Variants in FBN3 observed in about 807,000 individuals in gnomAD.
FBN3 encodes the protein fibrillin-3.
In FBN3, 234 loss-of-function variants were observed where a neutral mutation model predicts 330.1. The ratio of observed to expected loss-of-function variants is 0.71; its 90% CI spans 0.64 to 0.79. The LOEUF (loss-of-function observed/expected upper bound fraction) is 0.79. FBN3 is among the 30% of genes least tolerant of loss of function. FBN3 has a pLI of 0.00. For synonymous variants in FBN3, 1,458 were observed against 1,517.3 expected, an observed-to-expected ratio of 0.96 and a Z score of 0.91; for missense variants, 3,606 against 3,886.9, an observed-to-expected ratio of 0.93 and a Z score of 1.92.
chr19:8,117,445 C>G lies in FBN3; in HGVS notation c.3463+19G>C, dbSNP rs1435663064. On this transcript the variant is annotated intron_variant, in intron 27 of 63. Transcript: ENST00000600128. ...ACTGTGGTTGGTGCCCAGGGGCCAG[C>G]AGGTGGGCACAGTCTCACCCACGCA... is the stretch of plus-strand genomic sequence containing the variant. 16 of 1,559,626 alleles carry G rather than the reference C, an allele frequency of 1.0e-5. No homozygotes were observed. The highest frequency in any genetic ancestry group is 1.4e-5 in the Non-Finnish European group (16 of 1,151,634).
chr19:8,067,269 G>A (rs1426007309), intron 63 of FBN3, among the ~76,000 whole-genome samples: 6 of 151,986 alleles, frequency 3.9e-5, no homozygotes, highest in Non-Finnish European at 8.8e-5. Context: ...GGAATTACAG[G>A]TGCCTGCCAT....
intron 28 of FBN3, 60 bp from the exon 29 acceptor site, chr19:8,116,859 A>C (rs760484938): frequency 2.9e-5 from 45 of 1,572,056 alleles, no homozygotes; most frequent in Non-Finnish European, 3.6e-5. Context: ...CCCAGTACAC[A>C]TCTGCTCCCC....
At chr19:8,126,413 G>C in intron 20 of FBN3, 55 bp downstream of exon 20, 1 of 1,590,850 alleles carries the variant, frequency 6.3e-7, no homozygotes, top group South Asian at 1.1e-5. Flanking sequence ...GGGGGGACCC[G>C]CCCCATGGAG....
rs377489898 is a variant in FBN3 at position 8,126,475 on chromosome 19, G to A, written c.2547C>T (p.Cys849=). The part of the protein sequence containing the change: ...GAAWGSPCER[C]EIDPACARGF... ...CCTCAAGGAGGATACTACCGATCTC[G>A]CAGCGTTCGCAGGGGCTCCCCCAGG... is the stretch of plus-strand genomic sequence containing the variant. Residue 849 remains cysteine (C), a synonymous_variant, in exon 20 of 64, where the codon TGC becomes TGT. Transcript: ENST00000600128. The A allele has an allele frequency of 1.8e-5, 29 of 1,611,812 alleles. No homozygotes were observed. Among genetic ancestry groups the A allele is most frequent in the Admixed American group, 3.3e-5 (2 of 59,724 alleles).
rs1244751525 is a variant in FBN3 at position 8,121,511 on chromosome 19, G to A, written c.3083-125C>T. 8 of 958,488 alleles carry A rather than the reference G, an allele frequency of 8.3e-6. No homozygotes were observed. The highest frequency in any genetic ancestry group is 5.7e-5 in the East Asian group (2 of 35,322). 59.4% of individuals were successfully genotyped at this position (958,488 alleles called of 1,614,324 possible). On this transcript the variant is annotated intron_variant, in intron 24 of 63. Coordinates refer to ENST00000600128, the MANE Select transcript of FBN3 (RefSeq NM_032447.5). This position sits in a 1 kb window ranked among gnomAD's most constrained non-coding sequence, Gnocchi z 4.5. Reference sequence around the variant, plus strand: ...GGAAGCCCATCTGCAGACATAAGGAGGCACAGGCCAAGAGGGGAGGCATGA... The same window carrying A: ...GGAAGCCCATCTGCAGACATAAGGAAGCACAGGCCAAGAGGGGAGGCATGA...
rs947095821 is a variant in FBN3, at chr19:8,129,576, G to A, written c.2045-211C>T. Among the ~76,000 whole-genome samples, 17 of 152,020 alleles carry A rather than the reference G, an allele frequency of 1.1e-4. No individual in the cohort carries two copies. Among genetic ancestry groups the A allele is most frequent in the Non-Finnish European group, 1.9e-4 (13 of 68,012 alleles). On this transcript the variant is annotated intron_variant, in intron 16 of 63. Transcript: ENST00000600128. The surrounding 1 kb of genome is among the most constrained non-coding windows in gnomAD (Gnocchi z 4.5). The stretch of plus-strand genomic sequence containing the variant: ...GGGCCAGATCATTTTTTGCTGTGAG[G>A]GGCCATCCCACGCATTTTAGGATGT...
rs1405031150 is a variant in FBN3, at chr19:8,108,305, A to C, written c.4619-67T>G. On this transcript the variant is annotated intron_variant, in intron 36 of 63. Transcript: ENST00000600128. Reference sequence around the variant, plus strand: ...CAAAGCTTAGGGGAAACAGGGGAGCAACAGCAGGAAGCCTGAAAAGGGCTC... The same window carrying C: ...CAAAGCTTAGGGGAAACAGGGGAGCCACAGCAGGAAGCCTGAAAAGGGCTC... The C allele has an allele frequency of 5.4e-6, 7 of 1,302,774 alleles. No individual in the cohort carries two copies. The African/African-American group carries it at 8.9e-5, about 16-fold the overall frequency. 80.7% of individuals were successfully genotyped at this position (1,302,774 alleles called of 1,614,324 possible).
In FBN3 at chr19:8,098,279, G is replaced by A. The variant is rs2082252836; in HGVS notation, c.5162-865C>T. On this transcript the variant is annotated intron_variant, in intron 41 of 63. Coordinates refer to ENST00000600128, the MANE Select transcript of FBN3 (RefSeq NM_032447.5). ...CAATGGGGGACTGAAAACAATATAA[G>A]TGTCCATCAGTAGGGGACTGGAAAC... Among the ~76,000 whole-genome samples the A allele has an allele frequency of 2.0e-5, 3 of 151,900 alleles. No homozygotes were observed. The South Asian group carries it at 6.3e-4, about 32-fold the overall frequency.
At position 8,146,162 on chromosome 19, in the gene FBN3, T is replaced by C. The variant is rs1417718326; in HGVS notation, c.314A>G (p.Asp105Gly). ...CSQPNLCTCA[D>G]GTLAPSCGVS... ...CCCGCAGCTGGGAGCCAGCGTCCCA[T>C]CCGCACAGGTGCACAGGTTGGGCTG... Residue 105 changes from aspartate to glycine, a missense_variant, in exon 4 of 64, where the codon GAT becomes GGT. By Grantham distance (94) the Asp-to-Gly change is moderately conservative. Coordinates refer to ENST00000600128, the MANE Select transcript of FBN3 (RefSeq NM_032447.5). 1 of 1,602,696 alleles carries C rather than the reference T, an allele frequency of 6.2e-7. No homozygotes were observed. Among genetic ancestry groups the C allele is most frequent in the Non-Finnish European group, 8.5e-7 (1 of 1,176,024 alleles).
chr19:8,106,076 C>A (rs201004099), intron 38 of FBN3, 32 bp downstream of exon 38: 2 of 1,612,658 alleles, frequency 1.2e-6, no homozygotes, highest in East Asian at 2.2e-5. Flanking sequence ...AGCGGAAGAG[C>A]CTGACCCACC....
rs2081377372 is a variant in FBN3, at chr19:8,065,863, C to T, written c.*56G>A. 12 of 1,375,692 alleles carry T rather than the reference C, an allele frequency of 8.7e-6. No homozygotes were observed. Among genetic ancestry groups the T allele is most frequent in the African/African-American group, 1.4e-5 (1 of 69,096 alleles). 85.2% of individuals were successfully genotyped at this position (1,375,692 alleles called of 1,614,324 possible). The stretch of plus-strand genomic sequence containing the variant: ...CATCGCTTCTGGGGATCAGTCCTTC[C>T]CAGTTCCAGAATCCCCCTTCTCTGG... On this transcript the variant is annotated 3_prime_UTR_variant, in exon 64 of 64. Coordinates refer to ENST00000600128, the MANE Select transcript of FBN3 (RefSeq NM_032447.5).
intron 38 of FBN3, among the ~76,000 whole-genome samples, 169 bp from the exon 39 acceptor site, chr19:8,103,856 G>A (rs552352982): frequency 6.6e-6 from 1 of 152,180 alleles, no homozygotes; most frequent in Admixed American, 6.5e-5. Context: ...TATAATATGG[G>A]CTGGGCATGG....
intron 13 of FBN3, among the ~76,000 whole-genome samples, chr19:8,134,518 TG>T (rs2083232571): frequency 6.6e-6 from 1 of 152,060 alleles, no homozygotes; most frequent in Non-Finnish European, 1.5e-5. Context: ...GGCCCCTCCC[TG>T]GGGTGTGGGA....
At chr19:8,066,320 A>AG in intron 63 of FBN3, 60 bp from the exon 64 acceptor site, 1 of 1,277,622 alleles carries the variant, frequency 7.8e-7, no homozygotes, top group Non-Finnish European at 1.1e-6. Flanking sequence ...TGGTGTGGGT[A>AG]GGGGGTCCTC....
chr19:8,081,522 A>G (rs2081784255), intron 57 of FBN3, 42 bp from the exon 58 acceptor site: 1 of 1,555,588 alleles, frequency 6.4e-7, no homozygotes, highest in East Asian at 2.3e-5. Context: ...GGTTAGACAG[A>G]CATTCCCTGG....
chr19:8,083,484 C>A, intron 56 of FBN3, 112 bp from the exon 57 acceptor site: 1 of 1,319,346 alleles, frequency 7.6e-7, no homozygotes, highest in Non-Finnish European at 1.1e-6. Context: ...GTCCAGCCTC[C>A]CTTCCACACC....
In FBN3 at chr19:8,147,476, G is replaced by T; in HGVS notation, c.5C>A (p.Thr2Asn). ...CCTTGCCAAATACAGACCCTCCAGAGTCATGGCGTGTCCCCTGGAGGCTGC... is the reference window on the plus strand; with the variant it reads ...CCTTGCCAAATACAGACCCTCCAGATTCATGGCGTGTCCCCTGGAGGCTGC... Reference protein sequence around the residue: MTLEGLYLARGP... With the variant: MNLEGLYLARGP... Residue 2 changes from threonine to asparagine, a missense_variant, in exon 2 of 64, where the codon ACT (threonine) becomes AAT (asparagine). Coordinates refer to ENST00000600128, the MANE Select transcript of FBN3 (RefSeq NM_032447.5). The T allele has an allele frequency of 6.7e-7, 1 of 1,497,524 alleles. No homozygotes were observed. 92.8% of individuals were successfully genotyped at this position (1,497,524 alleles called of 1,614,324 possible).
At chr19:8,119,073 G>C (rs753450500) in intron 25 of FBN3, 51 bp from the exon 26 acceptor site, 1 of 1,558,336 alleles carries the variant, frequency 6.4e-7, no homozygotes, top group Admixed American at 1.7e-5. Flanking sequence ...CTGATGCAGG[G>C]AGGGGGTGAT....
rs747079086 is a variant in FBN3, at chr19:8,131,315, G to A, written c.1991-27C>T. ...TGGGGATGGAGGGACAGAGTGAGAC[G>A]GGTCAGGGAGCTTAGCCATGGCTCG... On this transcript the variant is annotated intron_variant, in intron 15 of 63. Coordinates refer to ENST00000600128, the MANE Select transcript of FBN3 (RefSeq NM_032447.5). The surrounding 1 kb of genome is among the most constrained non-coding windows in gnomAD (Gnocchi z 4.5). 14 of 1,608,690 alleles carry A rather than the reference G, an allele frequency of 8.7e-6. No individual in the cohort carries two copies. Among genetic ancestry groups the A allele is most frequent in the African/African-American group, 6.7e-5 (5 of 74,894 alleles).
Sources: allele counts gnomAD v4.1 joint callset (sites outside exome capture counted in the v4.1 genomes callset), GRCh38; gene constraint gnomAD v4.1.1; non-coding constraint Gnocchi (gnomAD v3.1); transcripts MANE v1.5; gene names NCBI Gene and HGNC (gene_info 2026-07-23, HGNC 2026-07-21).